The following FILIP1 variants were observed in gnomAD, a reference collection of about 807,000 sequenced individuals.
FILIP1 encodes the protein filamin A interacting protein 1, also known as filamin-A-interacting protein 1.
A neutral mutation model predicts 102.1 loss-of-function variants in FILIP1; 61 were observed. The observed-to-expected ratio is 0.60, with a 90% CI of 0.49 to 0.74. The LOEUF (loss-of-function observed/expected upper bound fraction) is 0.74, where lower values mean the gene tolerates loss of function less well. Ranked by LOEUF, FILIP1 falls within the 30% of genes least tolerant of loss-of-function variation. FILIP1 has a pLI of 0.00. For synonymous variants in FILIP1, 491 were observed against 526.9 expected (o/e 0.93, Z 0.93); for missense variants, 1,314 against 1,441.2 (o/e 0.91, Z 1.43).
intron 1 of FILIP1, among the ~76,000 whole-genome samples, chr6:75,425,801 G>A (rs1257186972): frequency 1.3e-5 from 2 of 152,156 alleles, no homozygotes; most frequent in African/African-American, 2.4e-5. Flanking sequence ...CTCTCCATAT[G>A]TATGTGAAAG....
chr6:75,316,322 T>C (rs938129896), intron 4 of FILIP1, among the ~76,000 whole-genome samples: 2 of 152,186 alleles, frequency 1.3e-5, no homozygotes, highest in Non-Finnish European at 2.9e-5. Context: ...AAGCAAGTTA[T>C]AAACAACCAA....
At position 75,414,614 on chromosome 6, in the gene FILIP1, A is replaced by G. The variant is rs1165178424; in HGVS notation, c.276+83T>C. The stretch of plus-strand genomic sequence containing the variant: ...CCTTTCCCCATAAAGTTCATTACTC[A>G]GAGAGGGGAACAGATTTACATTCTC... On this transcript the variant is annotated intron_variant, in intron 2 of 5. Transcript: ENST00000237172. 4 of 1,300,482 alleles carry G rather than the reference A, an allele frequency of 3.1e-6. No individual in the cohort carries two copies. The African/African-American group carries it at 5.9e-5, about 19-fold the overall frequency. 80.6% of individuals were successfully genotyped at this position (1,300,482 alleles called of 1,614,324 possible).
At chr6:75,420,316 AGAATAGATCAGG>A (rs1777413594) in intron 1 of FILIP1, among the ~76,000 whole-genome samples, 1 of 152,022 alleles carries the variant, frequency 6.6e-6, no homozygotes. Flanking sequence ...AAATAACAAG[AGAATAGATCAGG>A]GAACTGCCAT....
chr6:75,332,350 C>A (rs1774111707), intron 4 of FILIP1, among the ~76,000 whole-genome samples: 1 of 152,136 alleles, frequency 6.6e-6, no homozygotes, highest in Non-Finnish European at 1.5e-5. Context: ...AGGTACTATT[C>A]TTTCTTTTTG....
intron 2 of FILIP1, among the ~76,000 whole-genome samples, chr6:75,402,444 C>T (rs1404476400): frequency 6.6e-6 from 1 of 152,160 alleles, no homozygotes; most frequent in Non-Finnish European, 1.5e-5. Context: ...GGCAGCCTCG[C>T]TCAGGGTGAC....
chr6:75,327,015 CA>C (rs1773887110), intron 4 of FILIP1, among the ~76,000 whole-genome samples: 1 of 151,910 alleles, frequency 6.6e-6, no homozygotes, highest in South Asian at 2.1e-4. Flanking sequence ...CTCCTGCTGA[CA>C]TCAATCCATT....
chr6:75,393,011 T>A (rs1776332975), intron 2 of FILIP1, among the ~76,000 whole-genome samples: 1 of 152,222 alleles, frequency 6.6e-6, no homozygotes, highest in Non-Finnish European at 1.5e-5. Flanking sequence ...ATCAGCAGCA[T>A]GAAAACAGAC....
chr6:75,424,295 C>G (rs1239367668), intron 1 of FILIP1, among the ~76,000 whole-genome samples: 3 of 152,144 alleles, frequency 2.0e-5, no homozygotes, highest in African/African-American at 7.2e-5. Context: ...ATAGCATCCC[C>G]CAAGAAGTCT....
At chr6:75,386,299 C>T (rs762552321) in intron 2 of FILIP1, 3 of 152,140 alleles carry the variant, frequency 2.0e-5, no homozygotes, top group African/African-American at 2.4e-5. Context: ...TAACCAGCAT[C>T]GCCAGATTTC....
intron 2 of FILIP1, among the ~76,000 whole-genome samples, chr6:75,373,459 T>A (rs2149630299): frequency 6.6e-6 from 1 of 152,264 alleles, no homozygotes. Context: ...TTTACCACAA[T>A]CTTATTTTTA....
intron 4 of FILIP1, among the ~76,000 whole-genome samples, chr6:75,343,432 C>G (rs549102101): frequency 6.6e-6 from 1 of 152,258 alleles, no homozygotes; most frequent in South Asian, 2.1e-4. Context: ...CTTTGTCCCC[C>G]ACCCACTCCC....
intron 4 of FILIP1, among the ~76,000 whole-genome samples, chr6:75,347,379 G>A (rs1774626240): frequency 6.6e-6 from 1 of 152,224 alleles, no homozygotes; most frequent in Non-Finnish European, 1.5e-5. Flanking sequence ...CTTTTGAACA[G>A]CTTCTAGCAG....
At chr6:75,433,147 T>C (rs1777886888) in intron 1 of FILIP1, among the ~76,000 whole-genome samples, 1 of 152,238 alleles carries the variant, frequency 6.6e-6, no homozygotes, top group Non-Finnish European at 1.5e-5. Flanking sequence ...TACATGTGCA[T>C]GTGTCTTTAT....
intron 1 of FILIP1, among the ~76,000 whole-genome samples, chr6:75,457,159 C>T (rs1173275407): frequency 6.6e-6 from 1 of 152,162 alleles, no homozygotes; most frequent in Non-Finnish European, 1.5e-5. Context: ...CTTCAAGCCC[C>T]ATGCTATCAT....
chr6:75,413,582 C>A (rs574240851), intron 2 of FILIP1, among the ~76,000 whole-genome samples: 7 of 152,130 alleles, frequency 4.6e-5, no homozygotes, highest in African/African-American at 7.2e-5. Flanking sequence ...GAGTGACCCA[C>A]CCTAGTTTAG....
In FILIP1 at chr6:75,445,161, CTTCAAAGCTCTTAGAAAAATATT is replaced by C. The variant is rs571204900; in HGVS notation, c.-6-30206_-6-30184del. On this transcript the variant is annotated intron_variant, in intron 1 of 5. Transcript: ENST00000237172. ...AAGTGCAGCCCCTCCAACTCATACA[CTTCAAAGCTCTTAGAAAAATATT>C]TTCAACACAAAAGTGGTTTTGTGTC... is the stretch of plus-strand genomic sequence containing the variant. 1.5e-3 allele frequency among the ~76,000 whole-genome samples: 228 copies of C among 152,250 alleles called. 1 individual carries two copies. The highest frequency in any genetic ancestry group is 5.3e-3 in the African/African-American group (220 of 41,540).
chr6:75,327,772 T>C (rs1366735355), intron 4 of FILIP1, among the ~76,000 whole-genome samples: 1 of 151,918 alleles, frequency 6.6e-6, no homozygotes, highest in Non-Finnish European at 1.5e-5. Flanking sequence ...ATGCTACTAT[T>C]GATAAATAAA....
At chr6:75,479,908 G>C (rs1442508053) in intron 1 of FILIP1, among the ~76,000 whole-genome samples, 2 of 135,942 alleles carry the variant, frequency 1.5e-5, no homozygotes, top group Non-Finnish European at 3.1e-5. Context: ...CTTATATTAA[G>C]GACATTTGTT....
chr6:75,444,828 T>G (rs1025335351), intron 1 of FILIP1, among the ~76,000 whole-genome samples: 1 of 152,162 alleles, frequency 6.6e-6, no homozygotes, highest in African/African-American at 2.4e-5. Flanking sequence ...ATTCATAAGT[T>G]CTAGCCCAGC....
Sources: allele counts gnomAD v4.1 joint callset (sites outside exome capture counted in the v4.1 genomes callset), GRCh38; gene constraint gnomAD v4.1.1; transcripts MANE v1.5; gene names NCBI Gene and HGNC (gene_info 2026-07-23, HGNC 2026-07-21).